Variants in CCNY observed in about 807,000 individuals in gnomAD.
CCNY encodes cyclin Y, also known as cyclin-Y.
Under a neutral mutation model 42.8 loss-of-function variants are expected in CCNY, and 19 were observed. The observed-to-expected ratio is 0.44, with a 90% CI of 0.31 to 0.65. CCNY has a LOEUF of 0.65. Among genes scored for constraint, CCNY ranks in the 30% least tolerant of loss-of-function variants. The pLI is 0.07. For missense variants in CCNY, 370 were observed against 437.3 expected (o/e 0.85, Z 1.37); for synonymous variants, 165 against 162.7 (o/e 1.01, Z -0.11).
intron 1 of CCNY, among the ~76,000 whole-genome samples, chr10:35,350,703 T>C (rs911641063): frequency 2.6e-5 from 4 of 152,218 alleles, no homozygotes; most frequent in Admixed American, 1.3e-4. Context: ...TCTGTTGCAC[T>C]GTTGAGGAAA....
chr10:35,478,740 A>C (rs1201169464), intron 1 of CCNY, among the ~76,000 whole-genome samples: 1 of 152,234 alleles, frequency 6.6e-6, no homozygotes, highest in African/African-American at 2.4e-5. Flanking sequence ...CAAGGACTTC[A>C]TGTCTAAAAC....
At chr10:35,463,270 G>T (rs1388644109) in intron 1 of CCNY, among the ~76,000 whole-genome samples, 1 of 152,154 alleles carries the variant, frequency 6.6e-6, no homozygotes, top group Non-Finnish European at 1.5e-5. Context: ...TGTCTGTGAG[G>T]ATTAAATAAA....
chr10:35,388,008 G>A (rs1837333773), intron 1 of CCNY, among the ~76,000 whole-genome samples: 1 of 152,200 alleles, frequency 6.6e-6, no homozygotes, highest in Non-Finnish European at 1.5e-5. Context: ...TGCTGGGCCA[G>A]TGTCCAGGAG....
At chr10:35,546,418 G>A (rs1421515) in intron 7 of CCNY, among the ~76,000 whole-genome samples, 4,796 of 152,240 alleles carry the variant, frequency 0.032, 236 homozygotes, top group African/African-American at 0.11. Context: ...AGACTTCTTA[G>A]GATAGTCATT....
Position 35,337,227 on chromosome 10 carries a change from C to T in CCNY, c.154+20C>T, listed in dbSNP as rs1455458606. ...TAGACGGTGAGTGCGGCCCGCCGAG[C>T]CCCCTACCCGCCCCCGCGGCAACAG... On this transcript the variant is annotated intron_variant, in intron 1 of 9. Transcript: ENST00000374704. The T allele has an allele frequency of 2.0e-6, 3 of 1,499,132 alleles. No individual in the cohort carries two copies. The highest frequency in any genetic ancestry group is 1.4e-5 in the African/African-American group (1 of 69,734). 92.9% of individuals were successfully genotyped at this position (1,499,132 alleles called of 1,614,324 possible).
chr10:35,555,764 T>A (rs1204183092), intron 8 of CCNY, among the ~76,000 whole-genome samples: 1 of 152,202 alleles, frequency 6.6e-6, no homozygotes. Flanking sequence ...CACAGAGAAG[T>A]TAAAACAGTT....
chr10:35,534,396 G>T (rs547089300), intron 7 of CCNY, among the ~76,000 whole-genome samples: 1 of 152,304 alleles, frequency 6.6e-6, no homozygotes, highest in South Asian at 2.1e-4. Flanking sequence ...CCTTGATTGA[G>T]CATTCCGTGT....
At chr10:35,267,215 G>C (rs1287234238) in intron 3 of CCNY, among the ~76,000 whole-genome samples, 2 of 151,894 alleles carry the variant, frequency 1.3e-5, no homozygotes, top group African/African-American at 4.8e-5. Flanking sequence ...GGCTGAGTTG[G>C]GGGGATCACT....
At chr10:35,555,797 ATTAAC>A (rs1219683726) in intron 8 of CCNY, among the ~76,000 whole-genome samples, 2 of 152,252 alleles carry the variant, frequency 1.3e-5, no homozygotes, top group African/African-American at 2.4e-5. Flanking sequence ...TTCAGCTGAA[ATTAAC>A]TTAATATCAA....
chr10:35,443,966 G>A (rs1054684028), intron 1 of CCNY, among the ~76,000 whole-genome samples: 3 of 148,210 alleles, frequency 2.0e-5, no homozygotes, highest in Non-Finnish European at 4.4e-5. Flanking sequence ...CAGCCATAGG[G>A]TGGACGTGTC....
At chr10:35,456,036 T>G (rs181746828) in intron 1 of CCNY, among the ~76,000 whole-genome samples, 143 of 152,256 alleles carry the variant, frequency 9.4e-4, no homozygotes, top group Middle Eastern at 3.4e-3. Context: ...TTAGGTACCT[T>G]GCTGCAGTAT....
At chr10:35,279,958 C>T (rs557099802) in intron 3 of CCNY, among the ~76,000 whole-genome samples, 1 of 152,310 alleles carries the variant, frequency 6.6e-6, no homozygotes, top group East Asian at 1.9e-4. Flanking sequence ...TCACTATTTC[C>T]AATTCCACAA....
intron 1 of CCNY, among the ~76,000 whole-genome samples, chr10:35,368,710 G>A (rs1041591373): frequency 6.6e-6 from 1 of 152,226 alleles, no homozygotes; most frequent in South Asian, 2.1e-4. Flanking sequence ...AGGGCAGGCC[G>A]CTGTGGGGTG....
intron 9 of CCNY, among the ~76,000 whole-genome samples, chr10:35,568,491 T>G (rs1173233665): frequency 2.6e-5 from 4 of 152,208 alleles, no homozygotes; most frequent in African/African-American, 9.6e-5. Context: ...TCTGCACATC[T>G]CATATTTTTG....
chr10:35,554,140 C>G (rs1433197262), intron 8 of CCNY, among the ~76,000 whole-genome samples: 1 of 152,124 alleles, frequency 6.6e-6, no homozygotes, highest in African/African-American at 2.4e-5. Flanking sequence ...GCAGGACCTT[C>G]CCAGTGCCTG....
chr10:35,363,180 C>T (rs537264831), intron 1 of CCNY, among the ~76,000 whole-genome samples: 2 of 141,120 alleles, frequency 1.4e-5, no homozygotes, highest in South Asian at 2.3e-4. Context: ...CTCACTTCCC[C>T]GACGGGGCGG....
chr10:35,432,114 A>C (rs1838426238), intron 1 of CCNY, among the ~76,000 whole-genome samples: 1 of 152,184 alleles, frequency 6.6e-6, no homozygotes, highest in Non-Finnish European at 1.5e-5. Context: ...GCGTATTTTT[A>C]TTAGTATAAG....
intron 1 of CCNY, among the ~76,000 whole-genome samples, chr10:35,394,171 TGTG>T (rs904198053): frequency 3.3e-5 from 5 of 152,216 alleles, no homozygotes; most frequent in African/African-American, 1.2e-4. Flanking sequence ...GAAATGGCCT[TGTG>T]GCTATGGTAA....
chr10:35,364,682 A>C (rs1836771516), intron 1 of CCNY, among the ~76,000 whole-genome samples: 1 of 152,152 alleles, frequency 6.6e-6, no homozygotes, highest in Non-Finnish European at 1.5e-5. Context: ...CATTTCTGTG[A>C]ATTGTGTTTT....
Sources: allele counts gnomAD v4.1 joint callset (sites outside exome capture counted in the v4.1 genomes callset), GRCh38; gene constraint gnomAD v4.1.1; transcripts MANE v1.5; gene names NCBI Gene and HGNC (gene_info 2026-07-23, HGNC 2026-07-21).